The following AIMP1 variants were observed in gnomAD, a reference collection of about 807,000 sequenced individuals.
The protein encoded by AIMP1 is aminoacyl tRNA synthase complex-interacting multifunctional protein 1.
Under a neutral mutation model 33.1 loss-of-function variants are expected in AIMP1, and 24 were observed. That is an observed-to-expected ratio of 0.73 (90% CI 0.53 to 1.02). The LOEUF is 1.02. AIMP1 is among the 50% of genes least tolerant of loss of function. The pLI is 0.00. For missense variants in AIMP1, 367 were observed against 364.8 expected (o/e 1.01, Z -0.05); for synonymous variants, 120 against 121.5 (o/e 0.99, Z 0.08).
chr4:106,340,433 A>G (rs1770054236), intron 6 of AIMP1, among the ~76,000 whole-genome samples: 1 of 151,634 alleles, frequency 6.6e-6, no homozygotes, highest in East Asian at 1.9e-4. Context: ...CCCTCACCCC[A>G]CTCCCGACCT....
At chr4:106,335,216 A>G (rs1485900309) in intron 5 of AIMP1, among the ~76,000 whole-genome samples, 1 of 152,114 alleles carries the variant, frequency 6.6e-6, no homozygotes, top group African/African-American at 2.4e-5. Context: ...TAGGACCAGA[A>G]CTGATTCATA....
chr4:106,316,275 A>G (rs184350978), upstream of AIMP1: 2 of 373,516 alleles, frequency 5.4e-6, no homozygotes, highest in South Asian at 4.9e-5. Context: ...CTGAGGAAAG[A>G]CCCCGACTTG....
intron 1 of AIMP1, among the ~76,000 whole-genome samples, chr4:106,322,547 G>A (rs979054775): frequency 6.6e-6 from 1 of 152,158 alleles, no homozygotes; most frequent in Non-Finnish European, 1.5e-5. Flanking sequence ...GACAGCAAAT[G>A]GCTTTTAGCA....
Position 106,348,433 on chromosome 4 carries a change from T to TA in AIMP1, c.*743dup, listed in dbSNP as rs398107792. 2.6e-5 allele frequency: 4 copies of TA among 151,804 alleles called. No homozygotes were observed. The East Asian group carries it at 7.7e-4, about 29-fold the overall frequency. The allele number at this position is 151,804 out of a possible 1,614,324, so 9.4% of individuals were successfully genotyped here. ...TAAAAGCAGCTATCCTTTTTTTTTT[T>TA]AATTCTAGCTTCTTTTTAAAGATTA... On this transcript the variant is annotated 3_prime_UTR_variant, in exon 7 of 7. Coordinates refer to ENST00000672341, the MANE Select transcript of AIMP1 (RefSeq NM_001142416.2).
chr4:106,349,273 T>G lies in AIMP1; in HGVS notation c.*1581T>G, dbSNP rs1037338039. 1 of 151,870 alleles carries G rather than the reference T, an allele frequency of 6.6e-6. No homozygotes were observed. The highest frequency in any genetic ancestry group is 2.4e-5 in the African/African-American group (1 of 41,408). The allele number at this position is 151,870 out of a possible 1,614,324, so 9.4% of individuals were successfully genotyped here. A position where few individuals can be genotyped will look rare whatever the true frequency, so the allele number is the denominator to read the frequency against. Reference sequence around the variant, plus strand: ...TAATTTTTCTCAATTATATTAAATTTCTTTAATATAATTTAAATAATATTT... The same window carrying G: ...TAATTTTTCTCAATTATATTAAATTGCTTTAATATAATTTAAATAATATTT... On this transcript the variant is annotated 3_prime_UTR_variant, in exon 7 of 7. Coordinates refer to ENST00000672341, the MANE Select transcript of AIMP1 (RefSeq NM_001142416.2).
chr4:106,347,747 A>AT lies in AIMP1; in HGVS notation c.*56dup. On this transcript the variant is annotated 3_prime_UTR_variant, in exon 7 of 7. Transcript: ENST00000672341. ...AAAACCTTAAAAGTAATAAAGAGAA[A>AT]TATATTTGTCACTTATACCTAAAAT... is the stretch of plus-strand genomic sequence containing the variant. 1.9e-6 allele frequency: 3 copies of AT among 1,558,366 alleles called. No homozygotes were observed. The highest frequency in any genetic ancestry group is 8.7e-7 in the Non-Finnish European group (1 of 1,148,610).
In AIMP1 at chr4:106,347,788, T is replaced by C; in HGVS notation, c.*96T>C. ...TACCTAAAATATGAGTGGCTCATTTTTGCATTACTCTCTTCTAGACTTGAC... is the reference window on the plus strand; with the variant it reads ...TACCTAAAATATGAGTGGCTCATTTCTGCATTACTCTCTTCTAGACTTGAC... On this transcript the variant is annotated 3_prime_UTR_variant, in exon 7 of 7. Coordinates refer to ENST00000672341, the MANE Select transcript of AIMP1 (RefSeq NM_001142416.2). The C allele has an allele frequency of 7.4e-7, 1 of 1,345,912 alleles. No individual in the cohort carries two copies. Among genetic ancestry groups the C allele is most frequent in the Non-Finnish European group, 1.0e-6 (1 of 969,216 alleles). 83.4% of individuals were successfully genotyped at this position (1,345,912 alleles called of 1,614,324 possible).
intron 5 of AIMP1, among the ~76,000 whole-genome samples, chr4:106,334,484 C>T (rs1314396178): frequency 6.6e-6 from 1 of 151,976 alleles, no homozygotes; most frequent in Non-Finnish European, 1.5e-5. Context: ...AGGCTGGTCT[C>T]AAACTCCTGA....
chr4:106,336,950 T>A lies in AIMP1; in HGVS notation c.685T>A (p.Cys229Ser), dbSNP rs1231778554. The part of the protein sequence containing the change: ...RGVLSQAMVM[C>S]ASSPEKIEIL... ...AGTATTATCTCAAGCAATGGTCATGTGTGCTAGTTCACCAGAGAAAATTGA... is the reference window on the plus strand; with the variant it reads ...AGTATTATCTCAAGCAATGGTCATGAGTGCTAGTTCACCAGAGAAAATTGA... The change falls in exon 6 of 7, where the codon TGT becomes AGT. Residue 229 changes from cysteine to serine, a missense_variant. By Grantham distance (112) the Cys-to-Ser change is moderately radical. Transcript: ENST00000672341. The A allele has an allele frequency of 6.2e-7, 1 of 1,613,974 alleles. No homozygotes were observed. The highest frequency in any genetic ancestry group is 8.5e-7 in the Non-Finnish European group (1 of 1,179,964).
intron 5 of AIMP1, among the ~76,000 whole-genome samples, chr4:106,333,756 A>G (rs1186668260): frequency 2.0e-5 from 3 of 152,216 alleles, no homozygotes; most frequent in Non-Finnish European, 2.9e-5. Flanking sequence ...TATTTTATGA[A>G]GGATAACCTT....
intron 4 of AIMP1, 74 bp downstream of exon 4, chr4:106,328,317 A>G: frequency 2.0e-6 from 3 of 1,482,294 alleles, no homozygotes; most frequent in Non-Finnish European, 2.7e-6. Flanking sequence ...TAATGATAAT[A>G]ATAATAGTAT....
Position 106,338,787 on chromosome 4 carries a change from A to T in AIMP1, c.772+1750A>T, listed in dbSNP as rs1390191236. Among the ~76,000 whole-genome samples the T allele has an allele frequency of 4.6e-5, 7 of 152,204 alleles. No individual in the cohort carries two copies. In the East Asian group the frequency reaches 1.4e-3, roughly 29 times the overall value. ...TCATAAATCCACTGACAGCTTCCGC[A>T]GTGTGCCTGGAAAAGCTGCAGACAT... is the stretch of plus-strand genomic sequence containing the variant. On this transcript the variant is annotated intron_variant, in intron 6 of 6. Transcript: ENST00000672341.
intron 4 of AIMP1, among the ~76,000 whole-genome samples, chr4:106,330,756 A>G (rs1332186209): frequency 6.6e-6 from 1 of 152,216 alleles, no homozygotes; most frequent in African/African-American, 2.4e-5. Flanking sequence ...ATAAATGTAT[A>G]GTTGAGAAAG....
chr4:106,316,424 G>A (rs1435297467), upstream of AIMP1: 31 of 950,814 alleles, frequency 3.3e-5, no homozygotes, highest in East Asian at 8.0e-4. Context: ...GCAGGTTAAT[G>A]GGACTGAGCA....
intron 6 of AIMP1, among the ~76,000 whole-genome samples, chr4:106,345,952 C>T (rs1770281290): frequency 6.7e-6 from 1 of 149,506 alleles, no homozygotes; most frequent in Non-Finnish European, 1.5e-5. Flanking sequence ...TTAAGTAATT[C>T]CAAGAGATCT....
chr4:106,320,285 C>A (rs1197116079), intron 1 of AIMP1, among the ~76,000 whole-genome samples: 2 of 152,172 alleles, frequency 1.3e-5, no homozygotes, highest in African/African-American at 4.8e-5. Flanking sequence ...TATCACTGTG[C>A]CCTAAGCGTA....
chr4:106,332,249 T>G (rs1302344106), intron 5 of AIMP1, among the ~76,000 whole-genome samples: 3 of 152,022 alleles, frequency 2.0e-5, no homozygotes, highest in Admixed American at 6.6e-5. Context: ...TTTTAACAAA[T>G]AAAGGAATAC....
At position 106,347,726 on chromosome 4, in the gene AIMP1, C is replaced by T; in HGVS notation, c.*34C>T. On this transcript the variant is annotated 3_prime_UTR_variant, in exon 7 of 7. Coordinates refer to ENST00000672341, the MANE Select transcript of AIMP1 (RefSeq NM_001142416.2). ...CACTACCAAAAGACATTAGAGAAAA[C>T]CTTAAAAGTAATAAAGAGAAATATA... 1 of 1,597,006 alleles carries T rather than the reference C, an allele frequency of 6.3e-7. No homozygotes were observed. Among genetic ancestry groups the T allele is most frequent in the Non-Finnish European group, 8.5e-7 (1 of 1,171,094 alleles).
At chr4:106,326,727 A>G (rs893121281) in intron 2 of AIMP1, among the ~76,000 whole-genome samples, 1 of 152,020 alleles carries the variant, frequency 6.6e-6, no homozygotes, top group African/African-American at 2.4e-5. Flanking sequence ...ATAATTTAAT[A>G]TAATGCTTCT....
Sources: allele counts gnomAD v4.1 joint callset (sites outside exome capture counted in the v4.1 genomes callset), GRCh38; gene constraint gnomAD v4.1.1; transcripts MANE v1.5; gene names NCBI Gene and HGNC (gene_info 2026-07-23, HGNC 2026-07-21).